ADCK5: variants seen among roughly 807,000 people sequenced by gnomAD.
ADCK5 encodes uncharacterized aarF domain-containing protein kinase 5.
In ADCK5, 43 loss-of-function variants were observed where a neutral mutation model predicts 64.9. The observed-to-expected ratio is 0.66, with a 90% CI of 0.52 to 0.85. The LOEUF is 0.85. ADCK5 is among the 40% of genes least tolerant of loss of function. The pLI is 0.00. For missense variants in ADCK5, 760 were observed against 810.5 expected (o/e 0.94, Z 0.76); for synonymous variants, 434 against 342.8 (o/e 1.27, Z -2.94).
intron 3 of ADCK5, among the ~76,000 whole-genome samples, chr8:144,389,831 C>CTT (rs1240504555): frequency 6.6e-5 from 9 of 136,164 alleles, no homozygotes; most frequent in African/African-American, 8.1e-5. Flanking sequence ...AGCCCAGCCT[C>CTT]TTTTTTTTTT....
At chr8:144,380,252 G>A (rs1172665829) in intron 2 of ADCK5, among the ~76,000 whole-genome samples, 3 of 151,842 alleles carry the variant, frequency 2.0e-5, no homozygotes, top group Non-Finnish European at 4.4e-5. Flanking sequence ...AGAAACAGAT[G>A]TGTGCTCAGG....
chr8:144,377,793 C>T (rs1819427818), intron 1 of ADCK5, among the ~76,000 whole-genome samples: 1 of 152,222 alleles, frequency 6.6e-6, no homozygotes, highest in Non-Finnish European at 1.5e-5. Flanking sequence ...ACGTAGGCCA[C>T]TCCTCCCATC....
At position 144,393,216 on chromosome 8, in the gene ADCK5, G is replaced by T; in HGVS notation, c.*142G>T. The stretch of plus-strand genomic sequence containing the variant: ...CAGCTGGGCCAGGAGGCCGTGTAAT[G>T]ACCACACACTCCTCTCAAGCAAAAA... On this transcript the variant is annotated 3_prime_UTR_variant, in exon 15 of 15. Coordinates refer to ENST00000308860, the MANE Select transcript of ADCK5 (RefSeq NM_174922.5). 1 of 1,368,890 alleles carries T rather than the reference G, an allele frequency of 7.3e-7. No individual in the cohort carries two copies. Among genetic ancestry groups the T allele is most frequent in the South Asian group, 1.5e-5 (1 of 67,554 alleles). The allele number at this position is 1,368,890 out of a possible 1,614,324, so 84.8% of individuals were successfully genotyped here.
At chr8:144,375,555 G>A (rs1819328750) in intron 1 of ADCK5, 2 of 985,430 alleles carry the variant, frequency 2.0e-6, no homozygotes, top group Non-Finnish European at 2.4e-6. Context: ...ATCTGCAGGC[G>A]CTGGAAAACC....
At chr8:144,387,527 C>T (rs1819976107) in intron 3 of ADCK5, among the ~76,000 whole-genome samples, 1 of 152,084 alleles carries the variant, frequency 6.6e-6, no homozygotes, top group Non-Finnish European at 1.5e-5. Context: ...CCAGTCTCCC[C>T]AGTAGCTGGG....
chr8:144,392,719 C>T, intron 13 of ADCK5, 22 bp downstream of exon 13: 1 of 1,589,506 alleles, frequency 6.3e-7, no homozygotes, highest in Non-Finnish European at 8.6e-7. Flanking sequence ...GAGGAGGCGC[C>T]CGGGCCGTGG....
In ADCK5 at chr8:144,390,852, T is replaced by C. The variant is rs1335969753; in HGVS notation, c.343-4T>C. On this transcript the variant is annotated splice_polypyrimidine_tract_variant and splice_region_variant and intron_variant, in intron 4 of 14. Transcript: ENST00000308860. ...CCATGTGTTCTCCCCATGCCTGTGG[T>C]CAGAACAGCCCAGGCTACTTGGAGG... 6.2e-7 allele frequency: 1 copy of C among 1,612,346 alleles called. No homozygotes were observed. Among genetic ancestry groups the C allele is most frequent in the East Asian group, 2.2e-5 (1 of 44,872 alleles).
chr8:144,380,916 G>C (rs1564668826), intron 2 of ADCK5, among the ~76,000 whole-genome samples: 1 of 75,860 alleles, frequency 1.3e-5, no homozygotes, highest in African/African-American at 5.7e-5. Flanking sequence ...TCAGGCACCT[G>C]CCCCACTCAG....
chr8:144,393,000 C>A lies in ADCK5; in HGVS notation c.1669C>A (p.Leu557Ile). The A allele has an allele frequency of 6.3e-7, 1 of 1,589,316 alleles. No homozygotes were observed. The highest frequency in any genetic ancestry group is 8.5e-7 in the Non-Finnish European group (1 of 1,171,232). The change falls in exon 15 of 15, where the codon CTC becomes ATC. Residue 557 changes from leucine (L) to isoleucine (I), a missense_variant. Leu to Ile is a conservative substitution (Grantham distance 5). This residue lies in a region of ADCK5 where 333 missense variants were observed against 292.0 expected (regional missense o/e 1.14). Coordinates refer to ENST00000308860, the MANE Select transcript of ADCK5 (RefSeq NM_174922.5). ...GACCTTGGCCATGCGGCTGACCGCC[C>A]TCCTGGCTCGTGCTCTGGTCCACCT... is the stretch of plus-strand genomic sequence containing the variant. ...LETLAMRLTA[L>I]LARALVHLSL...
At chr8:144,381,540 A>G (rs1226245252) in intron 2 of ADCK5, among the ~76,000 whole-genome samples, 1 of 145,774 alleles carries the variant, frequency 6.9e-6, no homozygotes, top group East Asian at 2.1e-4. Flanking sequence ...CCAGGTGTAG[A>G]AACAGATGTG....
intron 2 of ADCK5, among the ~76,000 whole-genome samples, chr8:144,380,325 G>A (rs1474092486): frequency 4.0e-5 from 6 of 150,476 alleles, no homozygotes; most frequent in Non-Finnish European, 7.4e-5. Context: ...GGCACCTCCC[G>A]CAGTCAGAAT....
chr8:144,381,046 G>A (rs1327290190), intron 2 of ADCK5, among the ~76,000 whole-genome samples: 11 of 150,182 alleles, frequency 7.3e-5, no homozygotes, highest in Non-Finnish European at 7.4e-5. Context: ...ATTATGTGCC[G>A]GGTGTAGAAA....
At position 144,390,649 on chromosome 8, in the gene ADCK5, CTG is replaced by C; in HGVS notation, c.267-21_267-20del. The C allele has an allele frequency of 1.9e-6, 3 of 1,611,626 alleles. No homozygotes were observed. The highest frequency in any genetic ancestry group is 2.5e-6 in the Non-Finnish European group (3 of 1,179,240). On this transcript the variant is annotated intron_variant, in intron 3 of 14. Coordinates refer to ENST00000308860, the MANE Select transcript of ADCK5 (RefSeq NM_174922.5). ...GGCCCCGAGCCTGCCCCGCTGGAGA[CTG>C]AGGCCACCTCTGCCCGCAGGTCTCT...
rs1052952 is a variant in ADCK5, at chr8:144,393,097, G to T, written c.*23G>T. Reference sequence around the variant, plus strand: ...TAGGGTGCAGCCGCCCAGGGCCGGCGGGGCCCTTTTCACCTTGGGCTGACG... The same window carrying T: ...TAGGGTGCAGCCGCCCAGGGCCGGCTGGGCCCTTTTCACCTTGGGCTGACG... On this transcript the variant is annotated 3_prime_UTR_variant, in exon 15 of 15. Transcript: ENST00000308860. 4 of 1,526,464 alleles carry T rather than the reference G, an allele frequency of 2.6e-6. No homozygotes were observed. 94.6% of individuals were successfully genotyped at this position (1,526,464 alleles called of 1,614,324 possible). A position where few individuals can be genotyped will look rare whatever the true frequency, so the allele number is the denominator to read the frequency against.
At chr8:144,379,290 C>A in intron 1 of ADCK5, 97 bp from the exon 2 acceptor site, 1 of 848,364 alleles carries the variant, frequency 1.2e-6, no homozygotes, top group Non-Finnish European at 1.8e-6. Context: ...TAGAGTTAGG[C>A]TGCCTCAGAC....
chr8:144,392,379 G>T, intron 12 of ADCK5, 34 bp downstream of exon 12: 1 of 1,488,068 alleles, frequency 6.7e-7, no homozygotes, highest in Non-Finnish European at 8.9e-7. Flanking sequence ...GGGCACCACA[G>T]AAGGGAGTCG....
In ADCK5 at chr8:144,392,598, C is replaced by T. The variant is rs1820344447; in HGVS notation, c.1421C>T (p.Pro474Leu). ...GTCATGGCGGTGCTCAGGGAGCTGCCGCGGCCCATGCTGCTGGTGCTGCGC... is the reference window on the plus strand; with the variant it reads ...GTCATGGCGGTGCTCAGGGAGCTGCTGCGGCCCATGCTGCTGGTGCTGCGC... ...EAVMAVLREL[P>L]RPMLLVLRNI... Residue 474 changes from proline to leucine, a missense_variant, in exon 13 of 15, where the codon CCG becomes CTG. This residue lies in a region of ADCK5 where 333 missense variants were observed against 292.0 expected (regional missense o/e 1.14). Coordinates refer to ENST00000308860, the MANE Select transcript of ADCK5 (RefSeq NM_174922.5). 1.3e-6 allele frequency: 2 copies of T among 1,580,584 alleles called. No individual in the cohort carries two copies. Among genetic ancestry groups the T allele is most frequent in the African/African-American group, 1.3e-5 (1 of 74,484 alleles).
intron 3 of ADCK5, 126 bp from the exon 4 acceptor site, chr8:144,390,545 G>T: frequency 1.2e-5 from 12 of 1,003,438 alleles, no homozygotes; most frequent in South Asian, 2.8e-5. Context: ...ACCCTGGCTT[G>T]GCCTCACCCT....
At chr8:144,374,036 T>C, upstream of ADCK5, 6 of 1,242,872 alleles carry the variant, frequency 4.8e-6, no homozygotes, top group Non-Finnish European at 6.1e-6. Flanking sequence ...CCGCAGGGCC[T>C]GCTGGGCTGC....
Sources: allele counts gnomAD v4.1 joint callset (sites outside exome capture counted in the v4.1 genomes callset), GRCh38; gene constraint gnomAD v4.1.1; regional missense constraint gnomAD v4.1.1; transcripts MANE v1.5; gene names NCBI Gene and HGNC (gene_info 2026-07-23, HGNC 2026-07-21).